The following WNT5B variants were observed in gnomAD, a reference collection of about 807,000 sequenced individuals.
WNT5B encodes protein Wnt-5b.
In WNT5B, 18 loss-of-function variants were observed where a neutral mutation model predicts 36.5. The observed-to-expected ratio is 0.49, with a 90% confidence interval of 0.34 to 0.73. The LOEUF (loss-of-function observed/expected upper bound fraction) is 0.73, where lower values mean the gene tolerates loss of function less well. Among genes scored for constraint, WNT5B ranks in the 30% least tolerant of loss-of-function variants. The pLI, the probability that WNT5B is intolerant of heterozygous loss-of-function variation, is 0.01. For synonymous variants in WNT5B, 213 were observed against 212.3 expected (o/e 1.00, Z -0.03); for missense variants, 424 against 508.4 (o/e 0.83, Z 1.60).
Position 1,632,957 on chromosome 12 carries a change from T to G in WNT5B, c.328+52T>G. On this transcript the variant is annotated intron_variant, in intron 3 of 4. Coordinates refer to ENST00000397196, the MANE Select transcript of WNT5B (RefSeq NM_032642.3). The surrounding 1 kb of genome is among the most constrained non-coding windows in gnomAD (Gnocchi z 5.8). ...GCCAAGGAACTGCACTCGTCTCGTT[T>G]GGGAGCAATTAAGCTCTCTCAGGAC... 1.3e-6 allele frequency: 2 copies of G among 1,555,904 alleles called. No individual in the cohort carries two copies. Among genetic ancestry groups the G allele is most frequent in the Non-Finnish European group, 1.7e-6 (2 of 1,147,422 alleles).
upstream of WNT5B, among the ~76,000 whole-genome samples, chr12:1,628,694 C>T (rs1007597574): frequency 6.6e-6 from 1 of 152,188 alleles, no homozygotes; most frequent in African/African-American, 2.4e-5. Context: ...TCCTGCCTTC[C>T]CAGTCGGGTT....
chr12:1,646,072 G>T lies in WNT5B; in HGVS notation c.900G>T (p.Gln300His), dbSNP rs1478791864. ...AGAGCACGGGCTCCCTGGGCACGCAGGGCCGCCTCTGCAACAAGACCTCGG... is the reference window on the plus strand; with the variant it reads ...AGAGCACGGGCTCCCTGGGCACGCATGGCCGCCTCTGCAACAAGACCTCGG... ...RNESTGSLGT[Q>H]GRLCNKTSEG... is the part of the protein sequence containing the mutation. The change falls in exon 5 of 5, where the codon CAG (glutamine) becomes CAT (histidine). Residue 300 changes from glutamine to histidine, a missense_variant. Physicochemically the swap from Gln to His is conservative, Grantham distance 24 (BLOSUM62 0). Coordinates refer to ENST00000397196, the MANE Select transcript of WNT5B (RefSeq NM_032642.3). The T allele has an allele frequency of 6.2e-7, 1 of 1,613,770 alleles. No homozygotes were observed. Among genetic ancestry groups the T allele is most frequent in the Non-Finnish European group, 8.5e-7 (1 of 1,180,042 alleles).
upstream of WNT5B, among the ~76,000 whole-genome samples, chr12:1,627,148 G>A (rs28384800): frequency 3.3e-5 from 5 of 152,244 alleles, no homozygotes; most frequent in African/African-American, 9.6e-5. This position sits in a 1 kb window ranked among gnomAD's most constrained non-coding sequence, Gnocchi z 5.0. Flanking sequence ...ATGGCGATGG[G>A]GGCCTTCTCT....
At chr12:1,623,504 G>A (rs2094537217) in intron 1 of WNT5B, among the ~76,000 whole-genome samples, 2 of 151,854 alleles carry the variant, frequency 1.3e-5, no homozygotes, top group Admixed American at 1.3e-4. Flanking sequence ...CTCTTTGAAG[G>A]GTTTTAAGCA....
chr12:1,620,556 TG>T (rs1181398366), intron 1 of WNT5B, among the ~76,000 whole-genome samples: 4 of 151,650 alleles, frequency 2.6e-5, no homozygotes, highest in Non-Finnish European at 5.9e-5. Flanking sequence ...TTTTTTTTTT[TG>T]ACATGGAGTC....
Position 1,646,073 on chromosome 12 carries a change from G to T in WNT5B, c.901G>T (p.Gly301Cys). ...GAGCACGGGCTCCCTGGGCACGCAG[G>T]GCCGCCTCTGCAACAAGACCTCGGA... is the stretch of plus-strand genomic sequence containing the variant. Reference protein sequence around the residue: ...NESTGSLGTQGRLCNKTSEGM... With the variant: ...NESTGSLGTQCRLCNKTSEGM... The change falls in exon 5 of 5, where the codon GGC (glycine) becomes TGC (cysteine). Residue 301 changes from glycine to cysteine, a missense_variant. Coordinates refer to ENST00000397196, the MANE Select transcript of WNT5B (RefSeq NM_032642.3). The T allele has an allele frequency of 6.2e-7, 1 of 1,613,770 alleles. No homozygotes were observed. The highest frequency in any genetic ancestry group is 1.1e-5 in the South Asian group (1 of 91,090).
chr12:1,631,460 C>T (rs527400679), intron 2 of WNT5B, 26 bp downstream of exon 2: 4 of 1,613,764 alleles, frequency 2.5e-6, no homozygotes, highest in South Asian at 2.2e-5. Context: ...TGAGGTCCTG[C>T]CTGCACAGCC....
At chr12:1,639,477 T>C (rs2094569458) in intron 3 of WNT5B, among the ~76,000 whole-genome samples, 1 of 152,026 alleles carries the variant, frequency 6.6e-6, no homozygotes, top group Non-Finnish European at 1.5e-5. Flanking sequence ...AGGGCTGAGC[T>C]GGGGCCCAGC....
chr12:1,640,005 C>T, intron 4 of WNT5B, 29 bp downstream of exon 4: 3 of 1,589,656 alleles, frequency 1.9e-6, no homozygotes, highest in Non-Finnish European at 2.6e-6. Context: ...GCCTCCCCAG[C>T]ACTGCAGACC....
chr12:1,619,119 C>A (rs1463268482), intron 1 of WNT5B, among the ~76,000 whole-genome samples: 3 of 147,724 alleles, frequency 2.0e-5, no homozygotes, highest in African/African-American at 5.0e-5. Flanking sequence ...CCCCTCCCAC[C>A]AAGCCCCCAG....
chr12:1,641,727 C>T (rs2094575708), intron 4 of WNT5B, among the ~76,000 whole-genome samples: 1 of 151,860 alleles, frequency 6.6e-6, no homozygotes, highest in South Asian at 2.1e-4. Flanking sequence ...TTGCTTGAGC[C>T]AGAGGTTGCA....
At position 1,645,522 on chromosome 12, in the gene WNT5B, T is replaced by C. The variant is rs1440747954; in HGVS notation, c.622-272T>C. Among the ~76,000 whole-genome samples the C allele has an allele frequency of 2.6e-5, 4 of 152,346 alleles. No homozygotes were observed. In the South Asian group the frequency reaches 6.2e-4, roughly 24 times the overall value. The stretch of plus-strand genomic sequence containing the variant: ...CAGGTTTTGAGGAATGAGAAACCAG[T>C]AGAGTAGAAAGTGAAAGTGCCTGGT... On this transcript the variant is annotated intron_variant, in intron 4 of 4. Coordinates refer to ENST00000397196, the MANE Select transcript of WNT5B (RefSeq NM_032642.3).
intron 4 of WNT5B, 54 bp downstream of exon 4, chr12:1,640,030 C>T (rs2094571799): frequency 1.9e-6 from 3 of 1,545,984 alleles, no homozygotes; most frequent in Non-Finnish European, 2.6e-6. Context: ...GGGCTGTTCC[C>T]GGGCTGTGCC....
Position 1,632,383 on chromosome 12 carries a change from A to G in WNT5B, c.81-275A>G, listed in dbSNP as rs996903730. Among the ~76,000 whole-genome samples, 2 of 152,134 alleles carry G rather than the reference A, an allele frequency of 1.3e-5. No individual in the cohort carries two copies. Among genetic ancestry groups the G allele is most frequent in the Non-Finnish European group, 2.9e-5 (2 of 68,036 alleles). On this transcript the variant is annotated intron_variant, in intron 2 of 4. Transcript: ENST00000397196. This position sits in a 1 kb window ranked among gnomAD's most constrained non-coding sequence, Gnocchi z 5.8. ...TCCTTATAAAGGCTTCTCTTCAGCC[A>G]TAAGGGCTATTTTCCTATCTGATCA...
intron 1 of WNT5B, among the ~76,000 whole-genome samples, chr12:1,623,297 A>G (rs944732690): frequency 7.0e-4 from 74 of 105,846 alleles, no homozygotes; most frequent in African/African-American, 2.2e-3. Flanking sequence ...CCAGGTTCAC[A>G]CCATTCTCCT....
Position 1,646,252 on chromosome 12 carries a change from G to A in WNT5B, c.1080G>A (p.Ter360=). The A allele has an allele frequency of 6.2e-7, 1 of 1,604,496 alleles. No individual in the cohort carries two copies. Among genetic ancestry groups the A allele is most frequent in the South Asian group, 1.1e-5 (1 of 90,480 alleles). ...TCGTGGACCAGTACATCTGTAAATA[G>A]CCCGGAGGGCCTGCTCCCGGCCCCC... The part of the protein sequence containing the change: ...TEIVDQYICK[*] The change falls in exon 5 of 5, where the codon TAG becomes TAA. Residue 360 remains the stop codon, a stop_retained_variant. Coordinates refer to ENST00000397196, the MANE Select transcript of WNT5B (RefSeq NM_032642.3).
At chr12:1,635,121 C>T (rs772302306) in intron 3 of WNT5B, among the ~76,000 whole-genome samples, 3 of 152,176 alleles carry the variant, frequency 2.0e-5, no homozygotes, top group Non-Finnish European at 2.9e-5. Flanking sequence ...AAGGCTGCCC[C>T]GTGAAGGCAG....
rs199819292 is a variant in WNT5B at position 1,634,920 on chromosome 12, A to AT, written c.328+2016dup. 1.2e-4 allele frequency among the ~76,000 whole-genome samples: 18 copies of AT among 152,336 alleles called. No individual in the cohort carries two copies. The East Asian group carries it at 3.1e-3, about 26-fold the overall frequency. On this transcript the variant is annotated intron_variant, in intron 3 of 4. Transcript: ENST00000397196. ...GCTGTCTCCTGTAGGGAAAAGACGC[A>AT]TGTCCCTCTAGTAGCTCACGGCTGC...
chr12:1,623,187 GTTTTTTTTTTTTTTT>G (rs771500550), intron 1 of WNT5B, among the ~76,000 whole-genome samples: 2 of 58,366 alleles, frequency 3.4e-5, no homozygotes, highest in Non-Finnish European at 6.3e-5. Flanking sequence ...GTTTTTTGTT[GTTTTTTTTTTTTTTT>G]TTTTTTTTTT....
Sources: allele counts gnomAD v4.1 joint callset (sites outside exome capture counted in the v4.1 genomes callset), GRCh38; gene constraint gnomAD v4.1.1; non-coding constraint Gnocchi (gnomAD v3.1); transcripts MANE v1.5; gene names NCBI Gene and HGNC (gene_info 2026-07-23, HGNC 2026-07-21).